Variants in PROSER1 observed in about 807,000 individuals in gnomAD.
PROSER1 encodes the protein proline and serine-rich protein 1.
In PROSER1, 36 loss-of-function variants were observed where a neutral mutation model predicts 71.8. The ratio of observed to expected loss-of-function variants is 0.50; its 90% confidence interval spans 0.38 to 0.66. PROSER1 has a LOEUF of 0.66. Ranked by LOEUF, PROSER1 falls within the 30% of genes least tolerant of loss-of-function variation. The probability of loss-of-function intolerance (pLI) is 0.00; values close to 1 mark genes in which losing one functional copy is unlikely to be tolerated. For synonymous variants in PROSER1, 490 were observed against 452.4 expected, an observed-to-expected ratio of 1.08 and a Z score of -1.06; for missense variants, 1,107 against 1,135.0, an observed-to-expected ratio of 0.98 and a Z score of 0.35.
Position 39,013,825 on chromosome 13 carries a change from A to C in PROSER1, c.1427T>G (p.Leu476Arg). Reference protein sequence around the residue: ...SPLLSALKGFLTSNDTNLINS... With the variant: ...SPLLSALKGFRTSNDTNLINS... ...GATTAAATTGGTGTCATTGGATGTCAGAAAACCTTTTAACGCAGACAAAAG... is the reference window on the plus strand; with the variant it reads ...GATTAAATTGGTGTCATTGGATGTCCGAAAACCTTTTAACGCAGACAAAAG... Residue 476 changes from leucine to arginine, a missense_variant, in exon 11 of 13, where the codon CTG (leucine) becomes CGG (arginine). Leu to Arg is a moderately radical substitution (Grantham distance 102). Transcript: ENST00000352251. The C allele has an allele frequency of 3.7e-6, 6 of 1,614,244 alleles. No homozygotes were observed. Among genetic ancestry groups the C allele is most frequent in the South Asian group, 1.1e-5 (1 of 91,088 alleles).
intron 10 of PROSER1, among the ~76,000 whole-genome samples, chr13:39,016,173 T>G (rs941895674): frequency 3.3e-5 from 5 of 152,216 alleles, no homozygotes; most frequent in East Asian, 3.9e-4. Flanking sequence ...ATAAAAAAAA[T>G]CCCAACCACA....
At chr13:39,031,868 G>T (rs1013459552) in intron 2 of PROSER1, among the ~76,000 whole-genome samples, 1 of 152,104 alleles carries the variant, frequency 6.6e-6, no homozygotes, top group Non-Finnish European at 1.5e-5. Context: ...TACATTTCAA[G>T]TGCTCCAGAG....
intron 5 of PROSER1, 40 bp from the exon 6 acceptor site, chr13:39,026,427 TA>T (rs1363805807): frequency 7.4e-7 from 1 of 1,350,418 alleles, no homozygotes. Flanking sequence ...AAAAAATTCT[TA>T]AAAGATAAGT....
At chr13:39,016,112 G>T (rs1869997528) in intron 10 of PROSER1, among the ~76,000 whole-genome samples, 1 of 152,000 alleles carries the variant, frequency 6.6e-6, no homozygotes, top group Admixed American at 6.5e-5. Flanking sequence ...TAAAGCAAAA[G>T]CTATGCATTA....
chr13:39,036,097 T>C (rs995555457), intron 1 of PROSER1, among the ~76,000 whole-genome samples: 1 of 152,216 alleles, frequency 6.6e-6, no homozygotes, highest in South Asian at 2.1e-4. Context: ...CCAATTATTT[T>C]CTCATGAAAA....
intron 5 of PROSER1, among the ~76,000 whole-genome samples, chr13:39,027,349 T>A (rs374364776): frequency 6.6e-6 from 1 of 152,090 alleles, no homozygotes; most frequent in Non-Finnish European, 1.5e-5. Flanking sequence ...AAGGTATAAA[T>A]ATTGTAAAGG....
Position 39,017,560 on chromosome 13 carries a change from T to A in PROSER1, c.731-16A>T. ...TCTTCATTCTCTATATAAAAATAAATAAAAGTTCATTTTAAACTTTAATCA... is the reference window on the plus strand; with the variant it reads ...TCTTCATTCTCTATATAAAAATAAAAAAAAGTTCATTTTAAACTTTAATCA... On this transcript the variant is annotated splice_polypyrimidine_tract_variant and intron_variant, in intron 9 of 12. Transcript: ENST00000352251. 1.5e-6 allele frequency: 2 copies of A among 1,330,280 alleles called. No individual in the cohort carries two copies. The highest frequency in any genetic ancestry group is 1.0e-6 in the Non-Finnish European group (1 of 956,116). The allele number at this position is 1,330,280 out of a possible 1,614,324, so 82.4% of individuals were successfully genotyped here. A position where few individuals can be genotyped will look rare whatever the true frequency, so the allele number is the denominator to read the frequency against.
intron 3 of PROSER1, among the ~76,000 whole-genome samples, chr13:39,031,257 GA>G (rs1870828377): frequency 6.6e-6 from 1 of 152,162 alleles, no homozygotes; most frequent in Non-Finnish European, 1.5e-5. Context: ...AGACTAAATA[GA>G]AAGATGGTGA....
chr13:39,012,384 T>C, intron 11 of PROSER1, 151 bp from the exon 12 acceptor site: 1 of 808,872 alleles, frequency 1.2e-6, no homozygotes, highest in Non-Finnish European at 2.0e-6. Context: ...AAATCAGCCA[T>C]TCCCTGATAT....
chr13:39,011,210 G>T lies in PROSER1; in HGVS notation c.*155C>A. ...TAGGGGAGTGTTCACACTTTAAAATGCAACCACAATTTTCAAATTGTTGTC... is the reference window on the plus strand; with the variant it reads ...TAGGGGAGTGTTCACACTTTAAAATTCAACCACAATTTTCAAATTGTTGTC... On this transcript the variant is annotated 3_prime_UTR_variant, in exon 13 of 13. Coordinates refer to ENST00000352251, the MANE Select transcript of PROSER1 (RefSeq NM_025138.5). 1.4e-6 allele frequency: 1 copy of T among 723,706 alleles called. No individual in the cohort carries two copies. Among genetic ancestry groups the T allele is most frequent in the Non-Finnish European group, 2.3e-6 (1 of 427,538 alleles). The allele number at this position is 723,706 out of a possible 1,614,324, so 44.8% of individuals were successfully genotyped here. A position where few individuals can be genotyped will look rare whatever the true frequency, so the allele number is the denominator to read the frequency against.
Position 39,012,853 on chromosome 13 carries a change from G to T in PROSER1, c.2399C>A (p.Thr800Asn). The T allele has an allele frequency of 1.2e-6, 2 of 1,614,218 alleles. No individual in the cohort carries two copies. The highest frequency in any genetic ancestry group is 1.7e-5 in the Admixed American group (1 of 60,014). ...GFSVSNTPSV[T>N]PALPSFPGLQ... Reference sequence around the variant, plus strand: ...CCCCGGGAATGAGGGAAGAGCAGGGGTAACGCTTGGGGTATTAGAGACAGA... The same window carrying T: ...CCCCGGGAATGAGGGAAGAGCAGGGTTAACGCTTGGGGTATTAGAGACAGA... The change falls in exon 11 of 13, where the codon ACC becomes AAC. Residue 800 changes from threonine to asparagine, a missense_variant. By Grantham distance (65) the Thr-to-Asn change is moderately conservative. Transcript: ENST00000352251.
At chr13:39,016,787 A>G (rs575662601) in intron 10 of PROSER1, among the ~76,000 whole-genome samples, 67 of 152,338 alleles carry the variant, frequency 4.4e-4, no homozygotes, top group Non-Finnish European at 7.4e-4. Context: ...AGAAACTACC[A>G]GCTGAGAAGC....
chr13:39,037,357 C>T lies in PROSER1; in HGVS notation c.-115G>A, dbSNP rs1268665100. On this transcript the variant is annotated 5_prime_UTR_variant, in exon 1 of 13. Transcript: ENST00000352251. ...TTTATAGCTGAGGAGGAAAAAGACT[C>T]CACGAGCAAGAGAGGATGCGAAGAG... 1.3e-6 allele frequency: 1 copy of T among 789,106 alleles called. No homozygotes were observed. The highest frequency in any genetic ancestry group is 1.5e-5 in the South Asian group (1 of 67,400). 48.9% of individuals were successfully genotyped at this position (789,106 alleles called of 1,614,324 possible). A position where few individuals can be genotyped will look rare whatever the true frequency, so the allele number is the denominator to read the frequency against.
intron 10 of PROSER1, among the ~76,000 whole-genome samples, chr13:39,015,704 T>A (rs762568464): frequency 2.6e-5 from 4 of 151,638 alleles, no homozygotes; most frequent in Non-Finnish European, 5.9e-5. Flanking sequence ...AAAAAAAAAA[T>A]GATTGGAAAA....
chr13:39,024,551 A>G lies in PROSER1; in HGVS notation c.486T>C (p.Thr162=). ...PSRINGIFPG[T]PLKKDGEECT... ...ATTCTTCACCATCTTTTTTCAAAGG[A>G]GTTCCCTATTAAAAAAAAAAAAAAA... Residue 162 remains threonine (T), a synonymous_variant, in exon 7 of 13, where the codon ACT becomes ACC. Transcript: ENST00000352251. The G allele has an allele frequency of 7.1e-7, 1 of 1,418,158 alleles. No homozygotes were observed. The highest frequency in any genetic ancestry group is 9.7e-7 in the Non-Finnish European group (1 of 1,027,578). The allele number at this position is 1,418,158 out of a possible 1,614,324, so 87.8% of individuals were successfully genotyped here. A position where few individuals can be genotyped will look rare whatever the true frequency, so the allele number is the denominator to read the frequency against.
chr13:39,027,505 T>C (rs1171879665), intron 5 of PROSER1, among the ~76,000 whole-genome samples: 3 of 152,130 alleles, frequency 2.0e-5, no homozygotes, highest in African/African-American at 4.8e-5. Flanking sequence ...ACAGCAGTAA[T>C]ATGCATGTTG....
chr13:39,013,578 C>G lies in PROSER1; in HGVS notation c.1674G>C (p.Gln558His). The change falls in exon 11 of 13, where the codon CAG becomes CAC. Residue 558 changes from glutamine (Q) to histidine (H), a missense_variant. Transcript: ENST00000352251. ...STSTPLTLPV[Q>H]SPLATAASAS... ...CTGATGCAGCAGTGGCTAAAGGAGA[C>G]TGTACAGGCAATGTCAGGGGAGTGG... 1 of 1,614,114 alleles carries G rather than the reference C, an allele frequency of 6.2e-7. No individual in the cohort carries two copies. Among genetic ancestry groups the G allele is most frequent in the South Asian group, 1.1e-5 (1 of 91,074 alleles).
rs374781117 is a variant in PROSER1, at chr13:39,011,419, C to T, written c.2781G>A (p.Ala927=). 81 of 1,614,034 alleles carry T rather than the reference C, an allele frequency of 5.0e-5. No homozygotes were observed. Among genetic ancestry groups the T allele is most frequent in the Admixed American group, 1.3e-4 (8 of 60,020 alleles). The stretch of plus-strand genomic sequence containing the variant: ...GTTGCAAAGAAAATGGTGTTCCTGG[C>T]GCTGAAGGATAACTAGGAAACCCAT... ...QPDGFPSYPS[A]PGTPFSLQPS... is the part of the protein sequence containing the mutation. The change falls in exon 13 of 13, where the codon GCG becomes GCA. Residue 927 remains alanine (A), a synonymous_variant. Transcript: ENST00000352251.
At position 39,017,554 on chromosome 13, in the gene PROSER1, A is replaced by G. The variant is rs1220623735; in HGVS notation, c.731-10T>C. 1 of 1,388,414 alleles carries G rather than the reference A, an allele frequency of 7.2e-7. No individual in the cohort carries two copies. The highest frequency in any genetic ancestry group is 1.0e-6 in the Non-Finnish European group (1 of 1,004,548). 86.0% of individuals were successfully genotyped at this position (1,388,414 alleles called of 1,614,324 possible). ...GAAAGGTCTTCATTCTCTATATAAA[A>G]ATAAATAAAAGTTCATTTTAAACTT... On this transcript the variant is annotated splice_polypyrimidine_tract_variant and intron_variant, in intron 9 of 12. Transcript: ENST00000352251.
Sources: gnomAD v4.1 joint callset for allele counts (sites outside exome capture counted in the v4.1 genomes callset) on GRCh38, gnomAD v4.1.1 for gene constraint, MANE v1.5 for transcripts, NCBI Gene and HGNC (gene_info 2026-07-23, HGNC 2026-07-21) for gene names.